Variants in SBNO1 observed in about 807,000 individuals in gnomAD.
SBNO1 encodes the protein strawberry notch homolog 1.
Under a neutral mutation model 173.6 loss-of-function variants are expected in SBNO1, and 23 were observed. That is an observed-to-expected ratio of 0.13 (90% confidence interval 0.10 to 0.19). The LOEUF (loss-of-function observed/expected upper bound fraction) is 0.19, where lower values mean the gene tolerates loss of function less well. SBNO1 is among the 10% of genes least tolerant of loss of function. The pLI, the probability that SBNO1 is intolerant of heterozygous loss-of-function variation, is 1.00. For synonymous variants in SBNO1, 632 were observed against 571.5 expected (o/e 1.11, Z -1.51); for missense variants, 1,238 against 1,671.2 (o/e 0.74, Z 4.52).
intron 8 of SBNO1, among the ~76,000 whole-genome samples, chr12:123,330,878 A>G (rs1197088521): frequency 6.6e-6 from 1 of 152,106 alleles, no homozygotes; most frequent in East Asian, 1.9e-4. Flanking sequence ...TGAGCCATGA[A>G]TATGCCACAG....
Position 123,323,860 on chromosome 12 carries a change from GCT to G in SBNO1, c.1974-31_1974-30del, listed in dbSNP as rs746525364. 2.6e-6 allele frequency: 4 copies of G among 1,528,642 alleles called. No homozygotes were observed. The South Asian group carries it at 5.2e-5, about 20-fold the overall frequency. 94.7% of individuals were successfully genotyped at this position (1,528,642 alleles called of 1,614,324 possible). A position where few individuals can be genotyped will look rare whatever the true frequency, so the allele number is the denominator to read the frequency against. On this transcript the variant is annotated intron_variant, in intron 15 of 31. Coordinates refer to ENST00000602398, the MANE Select transcript of SBNO1 (RefSeq NM_001167856.3). ...TAGGAGAGAAACAGTGACAATTACTGCTTCAGTTGACAAAATAATTATATGTA... is the reference window on the plus strand; with the variant it reads ...TAGGAGAGAAACAGTGACAATTACTGTCAGTTGACAAAATAATTATATGTA...
intron 7 of SBNO1, 127 bp from the exon 8 acceptor site, chr12:123,331,502 T>C (rs1349830045): frequency 5.8e-6 from 5 of 864,904 alleles, no homozygotes; most frequent in Non-Finnish European, 8.5e-6. Flanking sequence ...TGTGACTTTA[T>C]TTTTACATAA....
chr12:123,355,397 C>T (rs926812298), intron 1 of SBNO1, among the ~76,000 whole-genome samples: 8 of 151,926 alleles, frequency 5.3e-5, no homozygotes, highest in African/African-American at 1.9e-4. Flanking sequence ...CCTGAGGTCA[C>T]AAGTTTGAGA....
chr12:123,296,065 A>C lies in SBNO1; in HGVS notation c.4040-15T>G, dbSNP rs2048587678. ...AATGATCAAACCTGTAATTAGTAAC[A>C]AGAATTTATCAAGTTGTGTCCAGAA... is the stretch of plus-strand genomic sequence containing the variant. On this transcript the variant is annotated splice_polypyrimidine_tract_variant and intron_variant, in intron 31 of 31. Coordinates refer to ENST00000602398, the MANE Select transcript of SBNO1 (RefSeq NM_001167856.3). The C allele has an allele frequency of 6.4e-7, 1 of 1,573,646 alleles. No individual in the cohort carries two copies. The highest frequency in any genetic ancestry group is 1.3e-5 in the African/African-American group (1 of 74,160).
chr12:123,292,725 C>CA lies in SBNO1; in HGVS notation c.*3182dup, dbSNP rs748014439. On this transcript the variant is annotated 3_prime_UTR_variant, in exon 32 of 32. Transcript: ENST00000602398. Reference sequence around the variant, plus strand: ...ATAAATATATATAGATACATACACACACTACATTGCTTTGGATGCAGGTTC... The same window carrying CA: ...ATAAATATATATAGATACATACACACAACTACATTGCTTTGGATGCAGGTTC... 1 of 152,190 alleles carries CA rather than the reference C, an allele frequency of 6.6e-6. No homozygotes were observed. The highest frequency in any genetic ancestry group is 1.5e-5 in the Non-Finnish European group (1 of 68,042). 9.4% of individuals were successfully genotyped at this position (152,190 alleles called of 1,614,324 possible). A position where few individuals can be genotyped will look rare whatever the true frequency, so the allele number is the denominator to read the frequency against.
At chr12:123,359,172 A>T (rs1247355728) in intron 1 of SBNO1, among the ~76,000 whole-genome samples, 1 of 151,818 alleles carries the variant, frequency 6.6e-6, no homozygotes. Flanking sequence ...CGACCTCGTG[A>T]TCAGCCCGCC....
At chr12:123,345,772 T>G (rs1204706184) in intron 3 of SBNO1, among the ~76,000 whole-genome samples, 3 of 152,014 alleles carry the variant, frequency 2.0e-5, no homozygotes, top group Admixed American at 6.6e-5. Context: ...TGGGCTCAAG[T>G]GATTCTTGTA....
Position 123,321,677 on chromosome 12 carries a change from A to G in SBNO1, c.2181T>C (p.Gly727=). ...CACTTCCACTGTCGTCAGAACTGCT[A>G]CCAGTAAGGCCACCTACTTTTCGTG... is the stretch of plus-strand genomic sequence containing the variant. ...KKARKVGGLT[G]SSSDDSGSES... The change falls in exon 17 of 32, where the codon GGT becomes GGC. Residue 727 remains glycine (G), a synonymous_variant. Coordinates refer to ENST00000602398, the MANE Select transcript of SBNO1 (RefSeq NM_001167856.3). The G allele has an allele frequency of 6.2e-7, 1 of 1,614,094 alleles. No homozygotes were observed. The highest frequency in any genetic ancestry group is 8.5e-7 in the Non-Finnish European group (1 of 1,179,994).
chr12:123,297,673 G>A (rs1593316117), intron 31 of SBNO1, among the ~76,000 whole-genome samples: 1 of 151,920 alleles, frequency 6.6e-6, no homozygotes, highest in East Asian at 1.9e-4. Flanking sequence ...AGAACTCCTG[G>A]GCAAGAGGCT....
Position 123,333,923 on chromosome 12 carries a change from C to A in SBNO1, c.909+130G>T, listed in dbSNP as rs529783713. On this transcript the variant is annotated intron_variant, in intron 7 of 31. Coordinates refer to ENST00000602398, the MANE Select transcript of SBNO1 (RefSeq NM_001167856.3). ...ACACTTCTAAAATTTAATTTTCCAA[C>A]ACATTAAACTTTCATAAATATTACA... is the stretch of plus-strand genomic sequence containing the variant. 7 of 566,474 alleles carry A rather than the reference C, an allele frequency of 1.2e-5. No individual in the cohort carries two copies. In the African/African-American group the frequency reaches 1.4e-4, roughly 11 times the overall value. The allele number at this position is 566,474 out of a possible 1,614,324, so 35.1% of individuals were successfully genotyped here. A position where few individuals can be genotyped will look rare whatever the true frequency, so the allele number is the denominator to read the frequency against.
Position 123,292,825 on chromosome 12 carries a change from CTGCTTAACATAT to C in SBNO1, c.*3071_*3082del. 6.6e-6 allele frequency: 1 copy of C among 152,148 alleles called. No homozygotes were observed. The highest frequency in any genetic ancestry group is 1.9e-4 in the East Asian group (1 of 5,204). The allele number at this position is 152,148 out of a possible 1,614,324, so 9.4% of individuals were successfully genotyped here. A position where few individuals can be genotyped will look rare whatever the true frequency, so the allele number is the denominator to read the frequency against. ...GTAATTTAGCAGCAGAAAAAGAAAA[CTGCTTAACATAT>C]TTGCTTCTTAATCAAGTTGTGTTTA... On this transcript the variant is annotated 3_prime_UTR_variant, in exon 32 of 32. Coordinates refer to ENST00000602398, the MANE Select transcript of SBNO1 (RefSeq NM_001167856.3).
At position 123,340,603 on chromosome 12, in the gene SBNO1, AAAG is replaced by A. The variant is rs1480450723; in HGVS notation, c.651+382_651+384del. 4.9e-4 allele frequency among the ~76,000 whole-genome samples: 74 copies of A among 151,092 alleles called. 3 individuals are homozygous for A. Among genetic ancestry groups the A allele is most frequent in the African/African-American group, 1.2e-3 (50 of 40,924 alleles). ...TCTCAAAAAAAAAAAAAAAAAAAAAAAAGAATCACTCATAACCAGATCATTATA... is the reference window on the plus strand; with the variant it reads ...TCTCAAAAAAAAAAAAAAAAAAAAAAAATCACTCATAACCAGATCATTATA... On this transcript the variant is annotated intron_variant, in intron 5 of 31. Transcript: ENST00000602398.
At chr12:123,364,488 G>A (rs1010192808) in intron 1 of SBNO1, 47 of 983,798 alleles carry the variant, frequency 4.8e-5, no homozygotes, top group East Asian at 1.1e-4. Flanking sequence ...ACGAACAGAG[G>A]AAGCGAGTAC....
rs1309216684 is a variant in SBNO1, at chr12:123,296,014, A to T, written c.4076T>A (p.Val1359Glu). Reference protein sequence around the residue: ...IIPANCVSPLVNLLSTSDQSQ... With the variant: ...IIPANCVSPLENLLSTSDQSQ... ...CTGGTCTGAAGTTGATAGGAGATTT[A>T]CAAGAGGAGACACACAATTTGCCGG... The change falls in exon 32 of 32, where the codon GTA becomes GAA. Residue 1359 changes from valine to glutamate, a missense_variant. Val to Glu is a moderately radical substitution (Grantham distance 121, BLOSUM62 -2). This residue lies in a region of SBNO1 where 351 missense variants were observed against 420.3 expected (regional missense o/e 0.84). Transcript: ENST00000602398. The T allele has an allele frequency of 1.2e-6, 2 of 1,613,924 alleles. No homozygotes were observed. The highest frequency in any genetic ancestry group is 3.3e-4 in the Middle Eastern group (2 of 6,060).
chr12:123,302,769 A>G, intron 30 of SBNO1, 55 bp downstream of exon 30: 1 of 1,078,060 alleles, frequency 9.3e-7, no homozygotes, highest in East Asian at 2.4e-5. Flanking sequence ...GTGAAGGTGT[A>G]TTTAAATCTC....
At chr12:123,297,520 T>C (rs2048650717) in intron 31 of SBNO1, among the ~76,000 whole-genome samples, 1 of 151,514 alleles carries the variant, frequency 6.6e-6, no homozygotes, top group Admixed American at 6.6e-5. Flanking sequence ...CAGAGTCCAG[T>C]TGCTGCCCTG....
intron 30 of SBNO1, among the ~76,000 whole-genome samples, chr12:123,300,980 CA>C (rs1555244381): frequency 7.9e-5 from 11 of 140,012 alleles, no homozygotes; most frequent in South Asian, 4.9e-4. Flanking sequence ...CAAAAAAAAA[CA>C]AAAAAAAAAC....
intron 3 of SBNO1, among the ~76,000 whole-genome samples, chr12:123,346,367 TAAAG>T (rs1196765654): frequency 6.6e-6 from 1 of 152,214 alleles, no homozygotes; most frequent in African/African-American, 2.4e-5. Context: ...GAGTCTTTAA[TAAAG>T]AGTCTACTAT....
chr12:123,329,364 G>C (rs1321487773), intron 9 of SBNO1, among the ~76,000 whole-genome samples: 1 of 149,694 alleles, frequency 6.7e-6, no homozygotes, highest in African/African-American at 2.5e-5. Context: ...CTGGGCAACA[G>C]AGCTGAGATC....
Sources: allele counts gnomAD v4.1 joint callset (sites outside exome capture counted in the v4.1 genomes callset), GRCh38; gene constraint gnomAD v4.1.1; regional missense constraint gnomAD v4.1.1; transcripts MANE v1.5; gene names NCBI Gene and HGNC (gene_info 2026-07-23, HGNC 2026-07-21).